Variants in RNF145 observed in about 807,000 individuals in gnomAD.
The protein encoded by RNF145 is ring finger protein 145.
RNF145 carries 12 observed loss-of-function variants against 57.3 expected under a neutral mutation model. That is an observed-to-expected ratio of 0.21 (90% CI 0.13 to 0.34). The LOEUF (loss-of-function observed/expected upper bound fraction) is 0.34, where lower values mean the gene tolerates loss of function less well. Ranked by LOEUF, RNF145 falls within the 10% of genes least tolerant of loss-of-function variation. The probability of loss-of-function intolerance (pLI) is 1.00; values close to 1 mark genes in which losing one functional copy is unlikely to be tolerated. For missense variants in RNF145, 429 were observed against 799.0 expected, an observed-to-expected ratio of 0.54 and a Z score of 5.58; for synonymous variants, 262 against 288.3, an observed-to-expected ratio of 0.91 and a Z score of 0.92.
rs942019537 is a variant in RNF145, at chr5:159,209,373, G to T, written c.-182C>A. On this transcript the variant is annotated 5_prime_UTR_variant, in exon 1 of 11. Transcript: ENST00000424310. ...CACGGCTCACAGCGGCGGCTCTTCT[G>T]CGCCGAGCCTCGGATGTTGCTTCTG... 6.1e-6 allele frequency: 6 copies of T among 985,974 alleles called. No individual in the cohort carries two copies. The African/African-American group carries it at 1.0e-4, about 17-fold the overall frequency. 61.1% of individuals were successfully genotyped at this position (985,974 alleles called of 1,614,324 possible).
At chr5:159,197,925 G>T (rs1785512244) in intron 2 of RNF145, among the ~76,000 whole-genome samples, 1 of 152,000 alleles carries the variant, frequency 6.6e-6, no homozygotes, top group Non-Finnish European at 1.5e-5. Context: ...CAGTCTGGGT[G>T]ACAGAGCATG....
At chr5:159,172,087 G>T (rs1333040973) in intron 6 of RNF145, among the ~76,000 whole-genome samples, 1 of 152,152 alleles carries the variant, frequency 6.6e-6, no homozygotes, top group Non-Finnish European at 1.5e-5. Context: ...TTTGCAGCGG[G>T]TAACAATCTG....
At chr5:159,176,101 A>G (rs922300356) in intron 5 of RNF145, among the ~76,000 whole-genome samples, 1 of 152,172 alleles carries the variant, frequency 6.6e-6, no homozygotes, top group Admixed American at 6.6e-5. Flanking sequence ...TCATATTATA[A>G]CCCAGAACTA....
At chr5:159,197,179 G>A (rs986725646) in intron 2 of RNF145, among the ~76,000 whole-genome samples, 3 of 152,156 alleles carry the variant, frequency 2.0e-5, no homozygotes, top group South Asian at 4.1e-4. Context: ...GATCTCTAAA[G>A]GTGAATGGTT....
chr5:159,208,074 A>G, intron 1 of RNF145: 2 of 1,484,124 alleles, frequency 1.3e-6, no homozygotes, highest in Non-Finnish European at 1.8e-6. Context: ...GCCATCCACT[A>G]ATCTTTGATG....
At chr5:159,181,496 A>G (rs1784892037) in intron 4 of RNF145, among the ~76,000 whole-genome samples, 1 of 152,056 alleles carries the variant, frequency 6.6e-6, no homozygotes, top group Admixed American at 6.6e-5. Context: ...TTGTATCTAT[A>G]TTGTTTTTAG....
intron 2 of RNF145, among the ~76,000 whole-genome samples, chr5:159,196,631 C>T (rs1562072801): frequency 6.6e-6 from 1 of 152,200 alleles, no homozygotes; most frequent in Non-Finnish European, 1.5e-5. Flanking sequence ...GGATTTCCTA[C>T]ACATCCTAAC....
At chr5:159,188,514 A>G (rs1482537762) in intron 3 of RNF145, among the ~76,000 whole-genome samples, 1 of 152,140 alleles carries the variant, frequency 6.6e-6, no homozygotes, top group Non-Finnish European at 1.5e-5. Context: ...GTATCAGTGT[A>G]TGGTTTTTCT....
At chr5:159,187,763 T>G (rs1230422365) in intron 3 of RNF145, among the ~76,000 whole-genome samples, 1 of 152,130 alleles carries the variant, frequency 6.6e-6, no homozygotes, top group Non-Finnish European at 1.5e-5. Context: ...CAGAGTGTTG[T>G]CAACATCCTA....
At chr5:159,167,029 T>A (rs1402632791) in intron 8 of RNF145, among the ~76,000 whole-genome samples, 1 of 152,228 alleles carries the variant, frequency 6.6e-6, no homozygotes, top group Non-Finnish European at 1.5e-5. Context: ...AACTTGCCTG[T>A]AATATCATCT....
At chr5:159,166,811 T>C (rs536805799) in intron 8 of RNF145, among the ~76,000 whole-genome samples, 1 of 152,288 alleles carries the variant, frequency 6.6e-6, no homozygotes, top group African/African-American at 2.4e-5. Flanking sequence ...GGTATTCCTC[T>C]TATAGTTTGA....
chr5:159,166,273 A>G (rs777967289), intron 8 of RNF145, among the ~76,000 whole-genome samples: 1 of 152,242 alleles, frequency 6.6e-6, no homozygotes, highest in African/African-American at 2.4e-5. Flanking sequence ...GATGTGTAGG[A>G]GCGATTCTTG....
At chr5:159,203,734 T>C (rs1785758951) in intron 1 of RNF145, 78 bp from the exon 2 acceptor site, 9 of 884,152 alleles carry the variant, frequency 1.0e-5, no homozygotes, top group Admixed American at 2.6e-5. Flanking sequence ...ACGAATCTAA[T>C]AGGTTGTCAC....
At position 159,200,730 on chromosome 5, in the gene RNF145, A is replaced by G. The variant is rs1785633057; in HGVS notation, c.184+2704T>C. Among the ~76,000 whole-genome samples, 4 of 152,192 alleles carry G rather than the reference A, an allele frequency of 2.6e-5. No individual in the cohort carries two copies. In the South Asian group the frequency reaches 8.3e-4, roughly 31 times the overall value. On this transcript the variant is annotated intron_variant, in intron 2 of 10. Coordinates refer to ENST00000424310, the MANE Select transcript of RNF145 (RefSeq NM_001199383.2). ...GAAAAACTATTTTCAACTTATCACA[A>G]AGGATTAATTTCCCTAATGTATACC...
At chr5:159,208,030 C>T (rs1785960682) in intron 1 of RNF145, 1 of 1,528,210 alleles carries the variant, frequency 6.5e-7, no homozygotes, top group East Asian at 2.4e-5. Context: ...CCCTTTCAGA[C>T]TAGTTTCCTC....
chr5:159,176,701 G>A lies in RNF145; in HGVS notation c.552C>T (p.Leu184=), dbSNP rs754684576. 4 of 1,612,272 alleles carry A rather than the reference G, an allele frequency of 2.5e-6. No individual in the cohort carries two copies. Among genetic ancestry groups the A allele is most frequent in the East Asian group, 4.5e-5 (2 of 44,858 alleles). Residue 184 remains leucine (L), a synonymous_variant, in exon 5 of 11, where the codon CTC becomes CTT. Transcript: ENST00000424310. ...CCAAAAGATTAGACCCAAGAAAATA[G>A]AGAACTTCCAATCCAGTAAAAATCA... ...FAMIFTGLEV[L]YFLGSNLLVP...
In RNF145 at chr5:159,172,125, C is replaced by T. The variant is rs373062591; in HGVS notation, c.797+1858G>A. On this transcript the variant is annotated intron_variant, in intron 6 of 10. Transcript: ENST00000424310. ...TTAAAGCACCACCAATTCAGTCTCA[C>T]GCTGAGTTTATTATCCTAACCACAG... is the stretch of plus-strand genomic sequence containing the variant. 2.6e-4 allele frequency among the ~76,000 whole-genome samples: 39 copies of T among 152,300 alleles called. 3 individuals carry two copies. Among genetic ancestry groups the T allele is most frequent in the Admixed American group, 7.2e-4 (11 of 15,290 alleles).
chr5:159,194,333 G>A (rs548771775), intron 3 of RNF145, among the ~76,000 whole-genome samples: 21 of 152,164 alleles, frequency 1.4e-4, no homozygotes, highest in African/African-American at 4.8e-4. Flanking sequence ...CACCATGCCC[G>A]GCTAATTTTT....
Position 159,161,614 on chromosome 5 carries a change from T to A in RNF145, c.1278A>T (p.Gly426=), listed in dbSNP as rs753180463. The change falls in exon 10 of 11, where the codon GGA becomes GGT. Residue 426 remains glycine (G), a synonymous_variant. Transcript: ENST00000424310. The part of the protein sequence containing the change: ...SSILTSLQVL[G]TLFIYVLFMV... Reference sequence around the variant, plus strand: ...TAAATAAGACATAAATAAAAAGTGTTCCCAGAACCTGAAAAAAAAAAAAAA... The same window carrying A: ...TAAATAAGACATAAATAAAAAGTGTACCCAGAACCTGAAAAAAAAAAAAAA... 2 of 1,500,272 alleles carry A rather than the reference T, an allele frequency of 1.3e-6. No homozygotes were observed. Among genetic ancestry groups the A allele is most frequent in the African/African-American group, 4.3e-5 (2 of 47,018 alleles). 92.9% of individuals were successfully genotyped at this position (1,500,272 alleles called of 1,614,324 possible).
Sources: allele counts gnomAD v4.1 joint callset (sites outside exome capture counted in the v4.1 genomes callset), GRCh38; gene constraint gnomAD v4.1.1; transcripts MANE v1.5; gene names NCBI Gene and HGNC (gene_info 2026-07-23, HGNC 2026-07-21).